FAM227B: variants seen among roughly 807,000 people sequenced by gnomAD.
FAM227B encodes protein FAM227B.
In FAM227B, 88 loss-of-function variants were observed where a neutral mutation model predicts 73.8. The ratio of observed to expected loss-of-function variants is 1.19; its 90% CI spans 1.00 to 1.42. The LOEUF (loss-of-function observed/expected upper bound fraction) is 1.42, where lower values mean the gene tolerates loss of function less well. FAM227B is among the 40% of genes most tolerant of loss of function. The pLI is 0.00. For missense variants in FAM227B, 632 were observed against 590.9 expected, an observed-to-expected ratio of 1.07 and a Z score of -0.72; for synonymous variants, 210 against 190.5, an observed-to-expected ratio of 1.10 and a Z score of -0.84.
chr15:49,443,193 A>G (rs2051836640), intron 11 of FAM227B, among the ~76,000 whole-genome samples: 1 of 151,752 alleles, frequency 6.6e-6, no homozygotes, highest in Non-Finnish European at 1.5e-5. Context: ...GCCATTATTA[A>G]ACATTTAATT....
intron 8 of FAM227B, among the ~76,000 whole-genome samples, chr15:49,568,997 G>C (rs565508449): frequency 6.6e-6 from 1 of 151,820 alleles, no homozygotes; most frequent in African/African-American, 2.4e-5. Context: ...CCCCAGTGAC[G>C]CCATCTGGTA....
At chr15:49,363,036 G>A (rs1387818242) in intron 13 of FAM227B, among the ~76,000 whole-genome samples, 1 of 151,944 alleles carries the variant, frequency 6.6e-6, no homozygotes, top group Non-Finnish European at 1.5e-5. Flanking sequence ...CCTTGTAGTG[G>A]AATCTGAATT....
chr15:49,396,824 A>T (rs1201399528), intron 11 of FAM227B, among the ~76,000 whole-genome samples: 28 of 151,930 alleles, frequency 1.8e-4, no homozygotes, highest in African/African-American at 6.0e-4. Context: ...CAGAAAGGAC[A>T]TCCACACCAA....
At chr15:49,572,203 C>T (rs980388413) in intron 8 of FAM227B, among the ~76,000 whole-genome samples, 1 of 151,832 alleles carries the variant, frequency 6.6e-6, no homozygotes, top group African/African-American at 2.4e-5. Flanking sequence ...GATTTTGTAT[C>T]CTGCAACTTA....
chr15:49,577,682 T>C lies in FAM227B; in HGVS notation c.406-18A>G. On this transcript the variant is annotated intron_variant, in intron 5 of 15. Transcript: ENST00000299338. ...TCTGAAAGCTGGAAAACATTTTAAA[T>C]AAACTCTTTAAAACTCTAAATTAAA... The C allele has an allele frequency of 6.8e-7, 1 of 1,470,734 alleles. No homozygotes were observed. Among genetic ancestry groups the C allele is most frequent in the Non-Finnish European group, 9.4e-7 (1 of 1,068,152 alleles). The allele number at this position is 1,470,734 out of a possible 1,614,324, so 91.1% of individuals were successfully genotyped here.
At position 49,519,148 on chromosome 15, in the gene FAM227B, A is replaced by G. The variant is rs142708727; in HGVS notation, c.875-10800T>C. On this transcript the variant is annotated intron_variant, in intron 10 of 15. Coordinates refer to ENST00000299338, the MANE Select transcript of FAM227B (RefSeq NM_152647.3). ...CTACGACTCCATGTCTCACATCTAC[A>G]TCATGCTGATGCAAGAGATGGGCTC... is the stretch of plus-strand genomic sequence containing the variant. Among the ~76,000 whole-genome samples the G allele has an allele frequency of 8.4e-4, 128 of 152,314 alleles. 2 individuals are homozygous for G. In the East Asian group the frequency reaches 0.02, roughly 24 times the overall value.
At chr15:49,396,557 C>CA (rs1309541004) in intron 11 of FAM227B, 1 of 158,504 alleles carries the variant, frequency 6.3e-6, no homozygotes, top group Non-Finnish European at 1.4e-5. Context: ...CACAGACAAA[C>CA]AAAAAGACAA....
chr15:49,370,113 T>A (rs2045711154), intron 12 of FAM227B, among the ~76,000 whole-genome samples: 2 of 152,206 alleles, frequency 1.3e-5, no homozygotes, highest in South Asian at 4.1e-4. Flanking sequence ...GGATTTCCCA[T>A]ACTCCAGAAC....
intron 11 of FAM227B, among the ~76,000 whole-genome samples, chr15:49,381,691 AAAAT>A (rs1255814198): frequency 1.3e-5 from 2 of 152,202 alleles, no homozygotes; most frequent in Non-Finnish European, 2.9e-5. Context: ...TAAGCCAATA[AAAAT>A]AAATAAGAGG....
intron 11 of FAM227B, among the ~76,000 whole-genome samples, chr15:49,442,082 TA>T (rs1236859643): frequency 6.6e-6 from 1 of 151,656 alleles, no homozygotes; most frequent in Non-Finnish European, 1.5e-5. Context: ...TAAGAAGCAA[TA>T]AAAACTTCAG....
intron 14 of FAM227B, among the ~76,000 whole-genome samples, chr15:49,333,866 T>C (rs1475884308): frequency 6.6e-6 from 1 of 152,158 alleles, no homozygotes; most frequent in Non-Finnish European, 1.5e-5. Flanking sequence ...TCTTGCTTCA[T>C]TGAGGAAAAA....
chr15:49,485,646 A>C (rs1234155056), intron 11 of FAM227B: 1 of 152,504 alleles, frequency 6.6e-6, no homozygotes. Flanking sequence ...AAGAGCCTGA[A>C]GCAATGCTTA....
intron 11 of FAM227B, among the ~76,000 whole-genome samples, chr15:49,407,602 T>A (rs1055679281): frequency 4.0e-5 from 6 of 149,418 alleles, no homozygotes; most frequent in African/African-American, 4.9e-5. Flanking sequence ...CTCCGCTGTT[T>A]TGTCCCTCAT....
chr15:49,367,732 T>A, intron 12 of FAM227B, 124 bp from the exon 13 acceptor site: 2 of 920,414 alleles, frequency 2.2e-6, no homozygotes, highest in Non-Finnish European at 1.5e-6. Flanking sequence ...AAGGAAATTC[T>A]ACAAAGCATC....
intron 11 of FAM227B, among the ~76,000 whole-genome samples, chr15:49,376,380 C>A (rs950637289): frequency 6.6e-6 from 1 of 152,152 alleles, no homozygotes; most frequent in South Asian, 2.1e-4. Context: ...AAAAATCATT[C>A]TTTTTACATT....
chr15:49,594,248 T>C (rs1037022969), intron 3 of FAM227B, among the ~76,000 whole-genome samples: 2 of 152,196 alleles, frequency 1.3e-5, no homozygotes, highest in Non-Finnish European at 2.9e-5. Flanking sequence ...TCTATTCATA[T>C]CCTTAGCCCA....
chr15:49,496,369 A>G (rs1179659664), intron 11 of FAM227B, among the ~76,000 whole-genome samples: 2 of 152,220 alleles, frequency 1.3e-5, no homozygotes, highest in East Asian at 1.9e-4. Flanking sequence ...CTGAATTTAG[A>G]AATTGGGGGA....
chr15:49,390,547 C>T (rs1037264083), intron 11 of FAM227B, among the ~76,000 whole-genome samples: 1 of 151,996 alleles, frequency 6.6e-6, no homozygotes, highest in Non-Finnish European at 1.5e-5. Context: ...TGCTCAGAGC[C>T]AATCTAATTC....
chr15:49,398,119 C>T (rs1173358846), intron 11 of FAM227B, among the ~76,000 whole-genome samples: 1 of 152,098 alleles, frequency 6.6e-6, no homozygotes. Flanking sequence ...CATGCAGAGA[C>T]ACACATAGGC....
Sources: allele counts gnomAD v4.1 joint callset (sites outside exome capture counted in the v4.1 genomes callset), GRCh38; gene constraint gnomAD v4.1.1; transcripts MANE v1.5; gene names NCBI Gene and HGNC (gene_info 2026-07-23, HGNC 2026-07-21).